The following MCM5 variants were observed in gnomAD, a reference collection of about 807,000 sequenced individuals.
MCM5 encodes the protein DNA replication licensing factor MCM5.
Under a neutral mutation model 79.9 loss-of-function variants are expected in MCM5, and 46 were observed. The ratio of observed to expected loss-of-function variants is 0.58; its 90% CI spans 0.45 to 0.74. The LOEUF is 0.74. MCM5 is among the 30% of genes least tolerant of loss of function. The pLI, the probability that MCM5 is intolerant of heterozygous loss-of-function variation, is 0.00. For missense variants in MCM5, 883 were observed against 1,017.0 expected (o/e 0.87, Z 1.79); for synonymous variants, 404 against 390.5 (o/e 1.03, Z -0.41).
rs1280481672 is a variant in MCM5, at chr22:35,400,451, G to A, written c.13G>A (p.Asp5Asn). Residue 5 changes from aspartate (D) to asparagine (N), a missense_variant, in exon 2 of 17, where the codon GAC becomes AAC. Physicochemically the swap from Asp to Asn is conservative, Grantham distance 23. Around this residue, in one of 3 missense-constraint regions of MCM5, gnomAD observed 455 missense variants for 517.5 expected, o/e 0.88. Coordinates refer to ENST00000216122, the MANE Select transcript of MCM5 (RefSeq NM_006739.4). The part of the protein sequence containing the change: MSGF[D>N]DPGIFYSDSF... ...CCCAGGCGCAGTCATGTCGGGATTC[G>A]ACGATCCTGGCATTTTCTACAGCGA... 1.2e-6 allele frequency: 2 copies of A among 1,613,930 alleles called. No individual in the cohort carries two copies. The highest frequency in any genetic ancestry group is 1.7e-6 in the Non-Finnish European group (2 of 1,179,968).
At chr22:35,429,053 T>G (rs1932796473), downstream of MCM5, among the ~76,000 whole-genome samples, 1 of 141,696 alleles carries the variant, frequency 7.1e-6, no homozygotes, top group African/African-American at 2.6e-5. Context: ...TATCATGATC[T>G]CAGCTCCCTG....
At chr22:35,429,096 CTG>C (rs1932796807), downstream of MCM5, among the ~76,000 whole-genome samples, 1 of 148,528 alleles carries the variant, frequency 6.7e-6, no homozygotes, top group African/African-American at 2.5e-5. Flanking sequence ...AGCAATTCTC[CTG>C]CCTCAGCCTC....
At chr22:35,429,573 C>T (rs1932799565), downstream of MCM5, among the ~76,000 whole-genome samples, 1 of 151,636 alleles carries the variant, frequency 6.6e-6, no homozygotes, top group Admixed American at 6.6e-5. Context: ...CTTGCTCTGT[C>T]ACCCAGGCTG....
At chr22:35,433,876 C>T in the MCM5 span, among the ~76,000 whole-genome samples, 6 of 152,296 alleles carry the variant, frequency 3.9e-5, no homozygotes, top group Non-Finnish European at 7.3e-5. Flanking sequence ...ACTAAATGGC[C>T]CCAAGATCCC....
At chr22:35,421,903 C>T in intron 15 of MCM5, 1 of 283,832 alleles carries the variant, frequency 3.5e-6, no homozygotes, top group Non-Finnish European at 7.0e-6. Context: ...TCCCTGGTGC[C>T]CAAGATCACA....
chr22:35,431,485 C>T, the MCM5 span, among the ~76,000 whole-genome samples: 18 of 152,214 alleles, frequency 1.2e-4, no homozygotes, highest in African/African-American at 2.9e-4. Context: ...GTATGGGTAG[C>T]GCATGGGTGA....
the MCM5 span, among the ~76,000 whole-genome samples, chr22:35,453,013 G>A: frequency 6.6e-6 from 1 of 152,176 alleles, no homozygotes; most frequent in Non-Finnish European, 1.5e-5. Context: ...TCAGGGTGAA[G>A]CTGAGGGCTG....
At chr22:35,445,041 G>A in the MCM5 span, among the ~76,000 whole-genome samples, 1 of 152,150 alleles carries the variant, frequency 6.6e-6, no homozygotes, top group South Asian at 2.1e-4. Flanking sequence ...AGCTCACCAG[G>A]TGGACATTCT....
chr22:35,400,661 C>G, intron 2 of MCM5, 56 bp downstream of exon 2: 1 of 1,497,842 alleles, frequency 6.7e-7, no homozygotes, highest in South Asian at 1.3e-5. Context: ...TCACACGCCT[C>G]TACCAGCCTG....
chr22:35,416,645 T>A lies in MCM5; in HGVS notation c.1421T>A (p.Ile474Asn). 6.2e-7 allele frequency: 1 copy of A among 1,612,914 alleles called. No homozygotes were observed. Among genetic ancestry groups the A allele is most frequent in the Non-Finnish European group, 8.5e-7 (1 of 1,179,360 alleles). The change falls in exon 12 of 17, where the codon ATC (isoleucine) becomes AAC (asparagine). Residue 474 changes from isoleucine to asparagine, a missense_variant. Ile to Asn is a moderately radical substitution (Grantham distance 149). Transcript: ENST00000216122. Reference protein sequence around the residue: ...QQTISIAKAGITTTLNSRCSV... With the variant: ...QQTISIAKAGNTTTLNSRCSV... ...TCGTCTGTCGCCTGTTAGGCTGGGA[T>A]CACCACCACCCTGAACTCCCGCTGC...
chr22:35,430,329 G>C (rs893833251), downstream of MCM5, among the ~76,000 whole-genome samples: 1 of 152,224 alleles, frequency 6.6e-6, no homozygotes, highest in African/African-American at 2.4e-5. Context: ...AGTATAGTGA[G>C]AGTATAGGAA....
rs557575434 is a variant in MCM5 at position 35,400,914 on chromosome 22, G to C, written c.167+309G>C. On this transcript the variant is annotated intron_variant, in intron 2 of 16. Coordinates refer to ENST00000216122, the MANE Select transcript of MCM5 (RefSeq NM_006739.4). ...GGCTCACTGCAACCTCCGCTTCCCG[G>C]GTTCAAGCGATTCTTGTGCCTCAGC... 2.6e-5 allele frequency among the ~76,000 whole-genome samples: 4 copies of C among 152,316 alleles called. No individual in the cohort carries two copies. In the East Asian group the frequency reaches 7.7e-4, roughly 29 times the overall value.
At chr22:35,436,174 A>AG in the MCM5 span, among the ~76,000 whole-genome samples, 14 of 127,420 alleles carry the variant, frequency 1.1e-4, 1 homozygote, top group South Asian at 2.3e-3. Flanking sequence ...CAAAAAAAAA[A>AG]AAAAAAAAAG....
chr22:35,402,462 G>T (rs1932083731), intron 2 of MCM5, among the ~76,000 whole-genome samples: 2 of 151,584 alleles, frequency 1.3e-5, no homozygotes, highest in Admixed American at 1.3e-4. Context: ...AAGTAGCTAG[G>T]ATTACAGGCA....
At chr22:35,414,442 A>C (rs781509280) in intron 9 of MCM5, among the ~76,000 whole-genome samples, 1 of 152,022 alleles carries the variant, frequency 6.6e-6, no homozygotes, top group Admixed American at 6.5e-5. Context: ...CAACATGGTG[A>C]AACCCTGTCT....
the MCM5 span, among the ~76,000 whole-genome samples, chr22:35,431,793 T>G: frequency 6.6e-6 from 1 of 152,104 alleles, no homozygotes; most frequent in African/African-American, 2.4e-5. Context: ...GAAGGGGCTG[T>G]TTTCTCCAGC....
the MCM5 span, among the ~76,000 whole-genome samples, chr22:35,438,438 T>C: frequency 1.4e-5 from 2 of 143,974 alleles, no homozygotes; most frequent in Non-Finnish European, 1.5e-5. Context: ...CATCCACATA[T>C]TCATCCATCC....
chr22:35,411,141 A>T (rs1406091765), intron 7 of MCM5: 3 of 386,224 alleles, frequency 7.8e-6, no homozygotes, highest in Non-Finnish European at 1.4e-5. Context: ...AGGCAGAAGG[A>T]CTGAGGTCAA....
the MCM5 span, among the ~76,000 whole-genome samples, chr22:35,436,137 C>A: frequency 9.4e-5 from 13 of 138,306 alleles, no homozygotes; most frequent in African/African-American, 3.5e-4. Flanking sequence ...GCACTCCAGC[C>A]TGGGCAACAA....
Sources: gnomAD v4.1 joint callset for allele counts (sites outside exome capture counted in the v4.1 genomes callset) on GRCh38, gnomAD v4.1.1 for gene constraint, gnomAD v4.1.1 regional missense constraint, MANE v1.5 for transcripts, NCBI Gene and HGNC (gene_info 2026-07-23, HGNC 2026-07-21) for gene names.